Variants in ARID5B observed in about 807,000 individuals in gnomAD.
ARID5B encodes the protein AT-rich interaction domain 5B.
Under a neutral mutation model 97.2 loss-of-function variants are expected in ARID5B, and 13 were observed. That is an observed-to-expected ratio of 0.13 (90% CI 0.09 to 0.21). The LOEUF (loss-of-function observed/expected upper bound fraction) is 0.21, where lower values mean the gene tolerates loss of function less well. Among genes scored for constraint, ARID5B ranks in the 10% least tolerant of loss-of-function variants. The pLI is 1.00. For missense variants in ARID5B, 1,210 were observed against 1,465.3 expected, an observed-to-expected ratio of 0.83 and a Z score of 2.84; for synonymous variants, 556 against 570.3, an observed-to-expected ratio of 0.97 and a Z score of 0.36.
intron 7 of ARID5B, among the ~76,000 whole-genome samples, chr10:62,064,450 G>A (rs900039639): frequency 1.8e-4 from 28 of 152,332 alleles, no homozygotes; most frequent in Non-Finnish European, 2.8e-4. Flanking sequence ...GCCACTGAAA[G>A]AGTTTAAGTC....
intron 4 of ARID5B, among the ~76,000 whole-genome samples, chr10:62,017,360 G>C (rs747714104): frequency 3.9e-5 from 6 of 151,938 alleles, no homozygotes; most frequent in Non-Finnish European, 5.9e-5. Flanking sequence ...GCTGAGGTGG[G>C]AGAATTGCTT....
At chr10:62,082,158 T>G (rs1840221762) in intron 8 of ARID5B, among the ~76,000 whole-genome samples, 1 of 152,288 alleles carries the variant, frequency 6.6e-6, no homozygotes, top group Middle Eastern at 3.4e-3. Flanking sequence ...AAAAATAAAA[T>G]CTCATGCTGC....
chr10:61,937,173 A>G (rs1844320145), intron 2 of ARID5B, among the ~76,000 whole-genome samples: 1 of 152,226 alleles, frequency 6.6e-6, no homozygotes, highest in Admixed American at 6.5e-5. Flanking sequence ...ATACAATGCA[A>G]TAGGGAGTGG....
intron 3 of ARID5B, among the ~76,000 whole-genome samples, chr10:61,953,418 T>C (rs1482885621): frequency 6.6e-6 from 1 of 152,204 alleles, no homozygotes; most frequent in Non-Finnish European, 1.5e-5. Flanking sequence ...TACAGGCTTT[T>C]CACATGTGCG....
intron 2 of ARID5B, among the ~76,000 whole-genome samples, chr10:61,913,837 C>CGCCTCCCAGATTCAAGCGATTCTCCT (rs1843851362): frequency 6.6e-6 from 1 of 152,184 alleles, no homozygotes; most frequent in African/African-American, 2.4e-5. Flanking sequence ...CCGCAACCTC[C>CGCCTCCCAGATTCAAGCGATTCTCCT]GCCTCCCAGA....
At chr10:62,056,370 A>G (rs1020868899) in intron 5 of ARID5B, among the ~76,000 whole-genome samples, 1 of 152,178 alleles carries the variant, frequency 6.6e-6, no homozygotes, top group Non-Finnish European at 1.5e-5. Flanking sequence ...AGCCCTCATT[A>G]AACAGTGAGA....
At chr10:61,968,566 C>A (rs1838580291) in intron 3 of ARID5B, among the ~76,000 whole-genome samples, 1 of 152,034 alleles carries the variant, frequency 6.6e-6, no homozygotes, top group Admixed American at 6.6e-5. Context: ...TTCTAAGGCA[C>A]CATTACTGGT....
chr10:62,057,846 A>G (rs1839876772), intron 6 of ARID5B, among the ~76,000 whole-genome samples: 1 of 152,218 alleles, frequency 6.6e-6, no homozygotes, highest in African/African-American at 2.4e-5. Flanking sequence ...TTACTTTGAC[A>G]TGTACATTTA....
chr10:61,984,591 G>A (rs1838821650), intron 3 of ARID5B, among the ~76,000 whole-genome samples: 1 of 152,146 alleles, frequency 6.6e-6, no homozygotes, highest in African/African-American at 2.4e-5. Context: ...AGTGAAAGGA[G>A]GAAGATGAAG....
intron 8 of ARID5B, among the ~76,000 whole-genome samples, chr10:62,082,251 AT>A (rs1840223229): frequency 6.6e-6 from 1 of 152,230 alleles, no homozygotes; most frequent in Admixed American, 6.5e-5. Flanking sequence ...CGCATCGTAA[AT>A]AAGCATTTTG....
intron 4 of ARID5B, among the ~76,000 whole-genome samples, chr10:62,008,028 TC>T (rs1163982929): frequency 7.0e-6 from 1 of 142,978 alleles, no homozygotes; most frequent in African/African-American, 2.7e-5. Flanking sequence ...TTACAGTCTG[TC>T]CCGCCCCCTC....
intron 3 of ARID5B, among the ~76,000 whole-genome samples, chr10:61,951,468 A>ATT: frequency 6.6e-6 from 1 of 152,350 alleles, no homozygotes; most frequent in African/African-American, 2.4e-5. Flanking sequence ...CTGACCTTAA[A>ATT]TATTGGCATT....
intron 3 of ARID5B, among the ~76,000 whole-genome samples, chr10:61,968,957 T>C (rs1838586021): frequency 6.6e-6 from 1 of 152,204 alleles, no homozygotes; most frequent in Non-Finnish European, 1.5e-5. Flanking sequence ...TTTCTGCCCA[T>C]AGAATTGTTT....
chr10:61,919,367 C>T (rs1589218834), intron 2 of ARID5B, among the ~76,000 whole-genome samples: 1 of 152,216 alleles, frequency 6.6e-6, no homozygotes, highest in African/African-American at 2.4e-5. Context: ...TTCCACCCCA[C>T]CGTCTTCCTC....
intron 3 of ARID5B, among the ~76,000 whole-genome samples, chr10:61,986,264 G>T (rs889186715): frequency 1.3e-5 from 2 of 152,146 alleles, no homozygotes; most frequent in Non-Finnish European, 2.9e-5. Flanking sequence ...TATAAAATGG[G>T]ACTATTCTTG....
intron 3 of ARID5B, among the ~76,000 whole-genome samples, chr10:61,946,254 T>A (rs1844497119): frequency 6.6e-6 from 1 of 152,002 alleles, no homozygotes; most frequent in African/African-American, 2.4e-5. Context: ...AGATCACTTT[T>A]GAGTTTGATA....
chr10:62,077,531 A>C lies in ARID5B; in HGVS notation c.1199+7734A>C, dbSNP rs373487688. Among the ~76,000 whole-genome samples, 513 of 68,708 alleles carry C rather than the reference A, an allele frequency of 7.5e-3. 6 individuals are homozygous for C. Among genetic ancestry groups the C allele is most frequent in the South Asian group, 0.049 (97 of 1,990 alleles). 45.1% of individuals were successfully genotyped at this position (68,708 alleles called of 152,430 possible). ...GCGAGTTCTTTGTTTGACCCCCCCC[A>C]AAAAAAAAGCTTGCCAAACAGCAGT... is the stretch of plus-strand genomic sequence containing the variant. On this transcript the variant is annotated intron_variant, in intron 8 of 9. Transcript: ENST00000279873.
intron 2 of ARID5B, among the ~76,000 whole-genome samples, chr10:61,936,976 A>G (rs189081461): frequency 6.6e-6 from 1 of 152,350 alleles, no homozygotes; most frequent in East Asian, 1.9e-4. Flanking sequence ...TGCAGAGTCC[A>G]AGATGCTGTC....
chr10:61,970,645 T>G (rs1838613862), intron 3 of ARID5B, among the ~76,000 whole-genome samples: 1 of 152,166 alleles, frequency 6.6e-6, no homozygotes, highest in Non-Finnish European at 1.5e-5. Context: ...GCAATGCTAT[T>G]TTGTATGTTG....
Sources: allele counts gnomAD v4.1 joint callset (sites outside exome capture counted in the v4.1 genomes callset), GRCh38; gene constraint gnomAD v4.1.1; transcripts MANE v1.5; gene names NCBI Gene and HGNC (gene_info 2026-07-23, HGNC 2026-07-21).